CRACR2A: variants seen among roughly 807,000 people sequenced by gnomAD.
CRACR2A encodes calcium release activated channel regulator 2A.
In CRACR2A, 79 loss-of-function variants were observed where a neutral mutation model predicts 90.5. The ratio of observed to expected loss-of-function variants is 0.87; its 90% CI spans 0.73 to 1.05. The LOEUF (loss-of-function observed/expected upper bound fraction) is 1.05. Among genes scored for constraint, CRACR2A ranks in the 50% least tolerant of loss-of-function variants. The pLI, the probability that CRACR2A is intolerant of heterozygous loss-of-function variation, is 0.00. For missense variants in CRACR2A, 823 were observed against 897.2 expected (o/e 0.92, Z 1.06); for synonymous variants, 338 against 356.7 (o/e 0.95, Z 0.59).
intron 17 of CRACR2A, among the ~76,000 whole-genome samples, chr12:3,624,204 G>A (rs1450201632): frequency 6.6e-6 from 1 of 152,132 alleles, no homozygotes; most frequent in East Asian, 1.9e-4. Flanking sequence ...TTTTCAGGTT[G>A]AGGGAGGAAG....
chr12:3,649,891 G>T (rs1591655803), intron 10 of CRACR2A, among the ~76,000 whole-genome samples: 1 of 152,018 alleles, frequency 6.6e-6, no homozygotes, highest in African/African-American at 2.4e-5. Context: ...GGAAAGATGG[G>T]GTAATTGGGG....
intron 3 of CRACR2A, among the ~76,000 whole-genome samples, chr12:3,708,875 A>G (rs552405707): frequency 4.6e-5 from 7 of 152,218 alleles, no homozygotes; most frequent in Non-Finnish European, 1.0e-4. Context: ...CAAACCTTCA[A>G]GTCTCCAGAC....
At chr12:3,677,005 A>T (rs1209981308) in intron 6 of CRACR2A, among the ~76,000 whole-genome samples, 2 of 152,194 alleles carry the variant, frequency 1.3e-5, no homozygotes, top group East Asian at 3.9e-4. Flanking sequence ...ACTTTTGATG[A>T]AAAACAAGCC....
intron 17 of CRACR2A, among the ~76,000 whole-genome samples, chr12:3,621,396 C>CT (rs796347863): frequency 0.017 from 2,242 of 133,848 alleles, 26 homozygotes; most frequent in East Asian, 0.044. Context: ...CAGGTTTCTT[C>CT]TTTTTTTTTT....
chr12:3,662,478 G>A (rs2137516052), intron 7 of CRACR2A, among the ~76,000 whole-genome samples: 1 of 152,356 alleles, frequency 6.6e-6, no homozygotes, highest in Non-Finnish European at 1.5e-5. Flanking sequence ...AAGAACAAAT[G>A]AGAGTGGATG....
chr12:3,647,168 T>G (rs911045950), intron 11 of CRACR2A, among the ~76,000 whole-genome samples: 1 of 57,302 alleles, frequency 1.7e-5, no homozygotes, highest in Non-Finnish European at 3.7e-5. Flanking sequence ...GTCCCACCCC[T>G]ACCCTCCCCT....
At chr12:3,636,410 G>C (rs1035229829) in intron 14 of CRACR2A, among the ~76,000 whole-genome samples, 1 of 152,200 alleles carries the variant, frequency 6.6e-6, no homozygotes, top group South Asian at 2.1e-4. Context: ...TCGTGGAGTG[G>C]GCACAGAAGT....
Position 3,689,398 on chromosome 12 carries a change from A to G in CRACR2A, c.228+7374T>C, listed in dbSNP as rs141207104. Among the ~76,000 whole-genome samples the G allele has an allele frequency of 1.9e-3, 285 of 152,318 alleles. 6 individuals carry two copies. In the East Asian group the frequency reaches 0.036, roughly 19 times the overall value. On this transcript the variant is annotated intron_variant, in intron 4 of 19. Coordinates refer to ENST00000440314, the MANE Select transcript of CRACR2A (RefSeq NM_001144958.2). ...ACCTAGTTTGTTGAGAGTTTTTAAC[A>G]TGAGGTGCTGTTGAATCTTATCAAA... is the stretch of plus-strand genomic sequence containing the variant.
intron 10 of CRACR2A, among the ~76,000 whole-genome samples, chr12:3,652,351 C>T (rs1411406090): frequency 6.6e-6 from 1 of 152,178 alleles, no homozygotes; most frequent in Non-Finnish European, 1.5e-5. Context: ...TGAGGAGGAA[C>T]TGATTTTGCT....
At chr12:3,642,283 C>T (rs1944587991) in intron 12 of CRACR2A, among the ~76,000 whole-genome samples, 1 of 152,150 alleles carries the variant, frequency 6.6e-6, no homozygotes, top group East Asian at 1.9e-4. Flanking sequence ...ATGGCATGAT[C>T]ACAGCGCACT....
intron 4 of CRACR2A, 25 bp downstream of exon 4, chr12:3,696,747 C>G: frequency 6.2e-7 from 1 of 1,613,646 alleles, no homozygotes; most frequent in Non-Finnish European, 8.5e-7. Context: ...TCTCAGTGGG[C>G]AGGCCTACCT....
In CRACR2A at chr12:3,627,624, C is replaced by A. The variant is rs1303370403; in HGVS notation, c.1817+1G>T. 1 of 1,551,736 alleles carries A rather than the reference C, an allele frequency of 6.4e-7. No individual in the cohort carries two copies. The highest frequency in any genetic ancestry group is 2.4e-5 in the East Asian group (1 of 40,916). The stretch of plus-strand genomic sequence containing the variant: ...GCCCAGAACTTCGGGCAGCTCCTCA[C>A]CTCTCCTGCCCAGCCGTGTCCCACA... On this transcript the variant is annotated splice_donor_variant, in intron 16 of 19. Coordinates refer to ENST00000440314, the MANE Select transcript of CRACR2A (RefSeq NM_001144958.2). LOFTEE classifies it high-confidence loss of function.
At chr12:3,697,554 T>G (rs992614278) in intron 3 of CRACR2A, among the ~76,000 whole-genome samples, 5 of 152,180 alleles carry the variant, frequency 3.3e-5, no homozygotes, top group African/African-American at 1.2e-4. Flanking sequence ...AAGCTGAGAT[T>G]GAAATCCAAG....
rs570798851 is a variant in CRACR2A at position 3,652,986 on chromosome 12, A to AT, written c.1046+1225dup. On this transcript the variant is annotated intron_variant, in intron 10 of 19. Coordinates refer to ENST00000440314, the MANE Select transcript of CRACR2A (RefSeq NM_001144958.2). ...TAGCAGAACCTGCTATACCAGGATA[A>AT]TTTTTTTTTTTTGAGACGGGGAGTC... Among the ~76,000 whole-genome samples the AT allele has an allele frequency of 1.3e-3, 187 of 147,374 alleles. 1 individual carries two copies. Among genetic ancestry groups the AT allele is most frequent in the South Asian group, 0.012 (56 of 4,662 alleles).
intron 1 of CRACR2A, among the ~76,000 whole-genome samples, chr12:3,745,598 A>G (rs1168245106): frequency 6.6e-6 from 1 of 151,662 alleles, no homozygotes; most frequent in Non-Finnish European, 1.5e-5. Context: ...AGATGGAGAA[A>G]CCCCGTCTCT....
At chr12:3,750,583 C>G (rs1946689172) in intron 1 of CRACR2A, among the ~76,000 whole-genome samples, 1 of 152,204 alleles carries the variant, frequency 6.6e-6, no homozygotes. Context: ...AATATAAAAT[C>G]TGAACTAATT....
intron 4 of CRACR2A, 78 bp downstream of exon 4, chr12:3,696,694 C>T: frequency 6.3e-7 from 1 of 1,592,060 alleles, no homozygotes; most frequent in Non-Finnish European, 8.6e-7. Flanking sequence ...ATGTCACCTC[C>T]CACGGGGCAA....
intron 13 of CRACR2A, 110 bp from the exon 14 acceptor site, chr12:3,638,564 T>C (rs1303154351): frequency 7.9e-7 from 1 of 1,262,302 alleles, no homozygotes; most frequent in African/African-American, 1.5e-5. Flanking sequence ...ATCACACCTT[T>C]GGACAAGAGC....
intron 1 of CRACR2A, among the ~76,000 whole-genome samples, chr12:3,745,916 G>A (rs1039388310): frequency 6.6e-6 from 1 of 151,906 alleles, no homozygotes; most frequent in Non-Finnish European, 1.5e-5. Flanking sequence ...CTGGCTGAAG[G>A]CAGGAGGTGT....
Sources: allele counts gnomAD v4.1 joint callset (sites outside exome capture counted in the v4.1 genomes callset), GRCh38; gene constraint gnomAD v4.1.1; transcripts MANE v1.5; gene names NCBI Gene and HGNC (gene_info 2026-07-23, HGNC 2026-07-21).